PDE9A: variants seen among roughly 807,000 people sequenced by gnomAD.
PDE9A encodes phosphodiesterase 9A, also known as high affinity cGMP-specific 3',5'-cyclic phosphodiesterase 9A.
PDE9A carries 60 observed loss-of-function variants against 87.4 expected under a neutral mutation model. The observed-to-expected ratio is 0.69, with a 90% CI of 0.56 to 0.85. The LOEUF (loss-of-function observed/expected upper bound fraction) is 0.85. Among genes scored for constraint, PDE9A ranks in the 40% least tolerant of loss-of-function variants. PDE9A has a pLI of 0.00. For synonymous variants in PDE9A, 272 were observed against 279.4 expected (o/e 0.97, Z 0.27); for missense variants, 665 against 779.0 (o/e 0.85, Z 1.74).
chr21:42,757,380 A>G (rs1393070627), intron 10 of PDE9A: 1 of 152,216 alleles, frequency 6.6e-6, no homozygotes, highest in Non-Finnish European at 1.5e-5. Context: ...CCATCTCATC[A>G]ATGCAGTGAT....
intron 4 of PDE9A, among the ~76,000 whole-genome samples, chr21:42,714,395 C>A (rs1006778343): frequency 6.6e-6 from 1 of 152,218 alleles, no homozygotes; most frequent in African/African-American, 2.4e-5. Context: ...AGATGGTGAG[C>A]AGAGCCCCCA....
chr21:42,687,473 A>G lies in PDE9A; in HGVS notation c.141-444A>G, dbSNP rs964918879. Among the ~76,000 whole-genome samples the G allele has an allele frequency of 6.6e-5, 10 of 152,176 alleles. No homozygotes were observed. The East Asian group carries it at 1.9e-3, about 29-fold the overall frequency. On this transcript the variant is annotated intron_variant, in intron 2 of 19. Coordinates refer to ENST00000291539, the MANE Select transcript of PDE9A (RefSeq NM_002606.3). ...CTTGCAAGAGGCCCCAAAACATGTG[A>G]GGTTGGAGGAAGACTCATCCTAAGC... is the stretch of plus-strand genomic sequence containing the variant.
intron 4 of PDE9A, among the ~76,000 whole-genome samples, chr21:42,707,249 C>T (rs149476076): frequency 1.3e-5 from 2 of 152,318 alleles, no homozygotes; most frequent in African/African-American, 2.4e-5. Flanking sequence ...GCAGAGGATA[C>T]CGGATGCTGC....
chr21:42,731,798 C>T lies in PDE9A; in HGVS notation c.291C>T (p.Ser97=), dbSNP rs766204378. 2 of 1,614,022 alleles carry T rather than the reference C, an allele frequency of 1.2e-6. No individual in the cohort carries two copies. The highest frequency in any genetic ancestry group is 1.3e-5 in the African/African-American group (1 of 75,068). ...SAGVEDKRTT[S]RGQSAERPLR... ...GTGTCGAGGACAAGAGAACCACAAGCCGTGGCCAGTCTGCTGAGAGACCAC... is the reference window on the plus strand; with the variant it reads ...GTGTCGAGGACAAGAGAACCACAAGTCGTGGCCAGTCTGCTGAGAGACCAC... The change falls in exon 5 of 20, where the codon AGC becomes AGT. Residue 97 remains serine (S), a synonymous_variant. Transcript: ENST00000291539.
rs542885127 is a variant in PDE9A, at chr21:42,748,076, G to A, written c.654-3040G>A. Among the ~76,000 whole-genome samples the A allele has an allele frequency of 6.4e-4, 98 of 152,300 alleles. No individual in the cohort carries two copies. In the Middle Eastern group the frequency reaches 0.014, roughly 21 times the overall value. On this transcript the variant is annotated intron_variant, in intron 8 of 19. Transcript: ENST00000291539. ...TATCTGCAAGGAAACAGCGGGATTC[G>A]AACAGTCAAACTGTCTTGCTCGGTG... is the stretch of plus-strand genomic sequence containing the variant.
intron 18 of PDE9A, among the ~76,000 whole-genome samples, chr21:42,771,950 C>A (rs922209836): frequency 4.6e-5 from 7 of 152,228 alleles, no homozygotes; most frequent in Admixed American, 3.9e-4. Context: ...AGGCTTCCCC[C>A]ACTCCACAAC....
At chr21:42,688,636 A>G (rs2059612201) in intron 3 of PDE9A, among the ~76,000 whole-genome samples, 1 of 152,206 alleles carries the variant, frequency 6.6e-6, no homozygotes, top group South Asian at 2.1e-4. Context: ...GTGGTTGGGC[A>G]AAGTGGAACT....
chr21:42,773,581 C>T (rs571672472), intron 19 of PDE9A, among the ~76,000 whole-genome samples: 6 of 150,758 alleles, frequency 4.0e-5, no homozygotes, highest in Admixed American at 6.6e-5. Context: ...GCCAAGGCGG[C>T]GGATCACGAG....
chr21:42,668,895 T>TCCCCCCCCCCCCCCCC (rs1229611821), intron 1 of PDE9A, among the ~76,000 whole-genome samples: 1 of 99,614 alleles, frequency 1.0e-5, no homozygotes, highest in African/African-American at 5.6e-5. Context: ...AGCTGCTCCC[T>TCCCCCCCCCCCCCCCC]CCACCCCCCG....
At chr21:42,670,487 C>T (rs1426117044) in intron 1 of PDE9A, among the ~76,000 whole-genome samples, 1 of 151,842 alleles carries the variant, frequency 6.6e-6, no homozygotes, top group African/African-American at 2.4e-5. Flanking sequence ...CACACATACA[C>T]TTACACACGC....
At chr21:42,707,543 T>G (rs1251111593) in intron 4 of PDE9A, among the ~76,000 whole-genome samples, 1 of 152,166 alleles carries the variant, frequency 6.6e-6, no homozygotes, top group East Asian at 1.9e-4. Flanking sequence ...ACTCACCCTC[T>G]GGGAGCTCTC....
At chr21:42,736,034 C>A (rs1176077782) in intron 7 of PDE9A, among the ~76,000 whole-genome samples, 1 of 152,078 alleles carries the variant, frequency 6.6e-6, no homozygotes, top group African/African-American at 2.4e-5. Context: ...GCAGTCACTA[C>A]GGGGCGAGTG....
At chr21:42,719,724 A>G (rs1006627549) in intron 4 of PDE9A, among the ~76,000 whole-genome samples, 1 of 151,454 alleles carries the variant, frequency 6.6e-6, no homozygotes, top group African/African-American at 2.4e-5. Flanking sequence ...ACTATTGTGT[A>G]TCCTACTGAT....
chr21:42,765,728 C>T, intron 15 of PDE9A: 1 of 508,726 alleles, frequency 2.0e-6, no homozygotes, highest in South Asian at 2.0e-5. Context: ...TCCTCCATCT[C>T]TTTTGGATTT....
intron 4 of PDE9A, among the ~76,000 whole-genome samples, chr21:42,699,786 T>C (rs2048240681): frequency 1.3e-5 from 2 of 152,136 alleles, no homozygotes; most frequent in Non-Finnish European, 2.9e-5. Context: ...CTCGAACTCC[T>C]GACCTCAGGT....
chr21:42,759,871 G>A lies in PDE9A; in HGVS notation c.898-457G>A, dbSNP rs2055515468. 6.6e-6 allele frequency among the ~76,000 whole-genome samples: 1 copy of A among 151,968 alleles called. No individual in the cohort carries two copies. The highest frequency in any genetic ancestry group is 2.4e-5 in the African/African-American group (1 of 41,346). On this transcript the variant is annotated intron_variant, in intron 11 of 19. Coordinates refer to ENST00000291539, the MANE Select transcript of PDE9A (RefSeq NM_002606.3). This position sits in a 1 kb window ranked among gnomAD's most constrained non-coding sequence, Gnocchi z 7.2. ...GGTGTGTGAGTGGGTGTGTGCATGT[G>A]GGTGTCTGCCTGTGTGAATATGTTT...
chr21:42,671,719 C>A (rs867560500), intron 1 of PDE9A, among the ~76,000 whole-genome samples: 1 of 152,090 alleles, frequency 6.6e-6, no homozygotes, highest in African/African-American at 2.4e-5. Flanking sequence ...ATATTTATTT[C>A]TTGGGTAATA....
In PDE9A at chr21:42,696,950, A is replaced by G. The variant is rs2060174445; in HGVS notation, c.219-2018A>G. Among the ~76,000 whole-genome samples, 1 of 152,146 alleles carries G rather than the reference A, an allele frequency of 6.6e-6. No homozygotes were observed. The highest frequency in any genetic ancestry group is 1.5e-5 in the Non-Finnish European group (1 of 68,016). The stretch of plus-strand genomic sequence containing the variant: ...CCACGCTTCAAGCCCAGTGCCTCTT[A>G]TGACCAAGTCTCTGGGGAGAAATGA... On this transcript the variant is annotated intron_variant, in intron 3 of 19. Coordinates refer to ENST00000291539, the MANE Select transcript of PDE9A (RefSeq NM_002606.3). The surrounding 1 kb of genome is among the most constrained non-coding windows in gnomAD (Gnocchi z 5.1).
Position 42,659,434 on chromosome 21 carries a change from G to A in PDE9A, c.69+5551G>A, listed in dbSNP as rs903690656. On this transcript the variant is annotated intron_variant, in intron 1 of 19. Coordinates refer to ENST00000291539, the MANE Select transcript of PDE9A (RefSeq NM_002606.3). This position sits in a 1 kb window ranked among gnomAD's most constrained non-coding sequence, Gnocchi z 4.1. ...CATCCGCCTTTCCCACTTGCCAGCC[G>A]GGAGGCCTGGGCAAAATCACTTTCT... 1.3e-5 allele frequency among the ~76,000 whole-genome samples: 2 copies of A among 152,212 alleles called. No individual in the cohort carries two copies. Among genetic ancestry groups the A allele is most frequent in the East Asian group, 1.9e-4 (1 of 5,194 alleles).
Sources: allele counts gnomAD v4.1 joint callset (sites outside exome capture counted in the v4.1 genomes callset), GRCh38; gene constraint gnomAD v4.1.1; non-coding constraint Gnocchi (gnomAD v3.1); transcripts MANE v1.5; gene names NCBI Gene and HGNC (gene_info 2026-07-23, HGNC 2026-07-21).